Variants in RASA3 observed in about 807,000 individuals in gnomAD.
The protein encoded by RASA3 is ras GTPase-activating protein 3.
RASA3 carries 73 observed loss-of-function variants against 110.0 expected under a neutral mutation model. The ratio of observed to expected loss-of-function variants is 0.66; its 90% CI spans 0.55 to 0.81. The LOEUF is 0.81. Among genes scored for constraint, RASA3 ranks in the 30% least tolerant of loss-of-function variants. The pLI is 0.00. For synonymous variants in RASA3, 500 were observed against 451.4 expected (o/e 1.11, Z -1.37); for missense variants, 976 against 1,113.2 (o/e 0.88, Z 1.75).
At chr13:114,045,852 C>G (rs2079044171) in intron 3 of RASA3, among the ~76,000 whole-genome samples, 1 of 152,108 alleles carries the variant, frequency 6.6e-6, no homozygotes, top group African/African-American at 2.4e-5. Flanking sequence ...ACATAAAACA[C>G]AGGGAAATAA....
chr13:114,078,823 T>C (rs2139687451), intron 1 of RASA3, among the ~76,000 whole-genome samples: 1 of 152,286 alleles, frequency 6.6e-6, no homozygotes, highest in Non-Finnish European at 1.5e-5. Flanking sequence ...ATGCCCAGGC[T>C]TCCCTGGAGG....
intron 18 of RASA3, among the ~76,000 whole-genome samples, chr13:114,001,961 T>G (rs1373472014): frequency 6.6e-5 from 10 of 152,236 alleles, no homozygotes; most frequent in Admixed American, 5.2e-4. Context: ...CCACCGAGGA[T>G]GCAAGGCCTC....
intron 2 of RASA3, among the ~76,000 whole-genome samples, chr13:114,054,968 G>A (rs937267924): frequency 2.2e-5 from 3 of 138,230 alleles, no homozygotes; most frequent in Non-Finnish European, 4.9e-5. Flanking sequence ...GTGTGTGCAC[G>A]TGTGTGCCCA....
At chr13:113,995,086 G>T (rs1053694973) in intron 21 of RASA3, among the ~76,000 whole-genome samples, 1 of 152,216 alleles carries the variant, frequency 6.6e-6, no homozygotes, top group Non-Finnish European at 1.5e-5. Flanking sequence ...GGAGCCTCTT[G>T]GGACCCACAG....
intron 19 of RASA3, among the ~76,000 whole-genome samples, chr13:114,000,028 C>T (rs1317856198): frequency 4.6e-5 from 3 of 64,578 alleles, no homozygotes; most frequent in African/African-American, 2.2e-4. Flanking sequence ...AGGGTCTCTG[C>T]TAGAGGGTCT....
rs193226402 is a variant in RASA3, at chr13:114,071,830, T to C, written c.173+1890A>G. ...GGGCAGGAGACCCCTCACAGTTTTCTAGTAAGTAAACTCACCCAGTCATCA... is the reference window on the plus strand; with the variant it reads ...GGGCAGGAGACCCCTCACAGTTTTCCAGTAAGTAAACTCACCCAGTCATCA... On this transcript the variant is annotated intron_variant, in intron 2 of 23. Coordinates refer to ENST00000334062, the MANE Select transcript of RASA3 (RefSeq NM_007368.4). 1.8e-3 allele frequency among the ~76,000 whole-genome samples: 281 copies of C among 152,336 alleles called. 1 individual carries two copies. The highest frequency in any genetic ancestry group is 6.8e-3 in the Middle Eastern group (2 of 294).
chr13:114,000,420 T>C (rs2053367457), intron 19 of RASA3, among the ~76,000 whole-genome samples: 1 of 152,120 alleles, frequency 6.6e-6, no homozygotes, highest in East Asian at 1.9e-4. Flanking sequence ...GAGAAACTGC[T>C]AGATATTTCC....
Position 114,016,282 on chromosome 13 carries a change from G to A in RASA3, c.1207-11C>T, listed in dbSNP as rs569987964. On this transcript the variant is annotated splice_polypyrimidine_tract_variant and intron_variant, in intron 12 of 23. Transcript: ENST00000334062. ...GTGGCTCTGGCATATCTGGGGAGAG[G>A]TTTAAGACAGGGCTCTGTGAGTGGG... is the stretch of plus-strand genomic sequence containing the variant. 3.2e-6 allele frequency: 5 copies of A among 1,564,098 alleles called. No individual in the cohort carries two copies. Among genetic ancestry groups the A allele is most frequent in the East Asian group, 4.5e-5 (2 of 44,552 alleles).
chr13:114,083,555 C>G (rs1045311161), intron 1 of RASA3, among the ~76,000 whole-genome samples: 2 of 139,524 alleles, frequency 1.4e-5, no homozygotes, highest in Non-Finnish European at 3.2e-5. Flanking sequence ...GGGGAAATCA[C>G]GGGGAAGTGG....
intron 2 of RASA3, among the ~76,000 whole-genome samples, chr13:114,061,359 C>A (rs2079344868): frequency 6.6e-6 from 1 of 152,098 alleles, no homozygotes; most frequent in Non-Finnish European, 1.5e-5. Context: ...TTTCTAAAAA[C>A]CCCAGGCGCC....
chr13:114,080,666 G>GCTGAAACAGGGGTCTCCCCCAGGGGCCA (rs11267466), intron 1 of RASA3, among the ~76,000 whole-genome samples: 49,249 of 134,590 alleles, frequency 0.37, 10,738 homozygotes, highest in Middle Eastern at 0.45. Context: ...CCCGACAACG[G>GCTGAAACAGGGGTCTCCCCCAGGGGCCA]CTGAAACAGG....
Position 114,013,173 on chromosome 13 carries a change from G to C in RASA3, c.1481C>G (p.Pro494Arg). The change falls in exon 15 of 24, where the codon CCC becomes CGC. Residue 494 changes from proline (P) to arginine (R), a missense_variant. By Grantham distance (103) the Pro-to-Arg change is moderately radical (BLOSUM62 -2). Coordinates refer to ENST00000334062, the MANE Select transcript of RASA3 (RefSeq NM_007368.4). ...GTGCGGCGTGAGCTGGAAGAGGTTG[G>C]GGGAGAGAATGGCGGGCGCAAAGAA... Reference protein sequence around the residue: ...LRFFAPAILSPNLFQLTPHHT... With the variant: ...LRFFAPAILSRNLFQLTPHHT... 1 of 1,613,582 alleles carries C rather than the reference G, an allele frequency of 6.2e-7. No homozygotes were observed. Among genetic ancestry groups the C allele is most frequent in the Non-Finnish European group, 8.5e-7 (1 of 1,179,790 alleles).
intron 22 of RASA3, among the ~76,000 whole-genome samples, chr13:113,990,508 T>A (rs974167866): frequency 6.6e-6 from 1 of 152,224 alleles, no homozygotes; most frequent in African/African-American, 2.4e-5. Context: ...TCCCTGACTC[T>A]GGCCTCTGCT....
chr13:114,132,522 A>T lies in RASA3; in HGVS notation c.-33T>A. On this transcript the variant is annotated 5_prime_UTR_variant, in exon 1 of 24. Coordinates refer to ENST00000334062, the MANE Select transcript of RASA3 (RefSeq NM_007368.4). ...GTCCGCGCCCGCCGAGCCTCGCCCC[A>T]AGCGCGCGCCGAGCCCGGGCAGCTC... 2 of 1,460,620 alleles carry T rather than the reference A, an allele frequency of 1.4e-6. No homozygotes were observed. The highest frequency in any genetic ancestry group is 3.0e-5 in the East Asian group (1 of 33,672). 90.5% of individuals were successfully genotyped at this position (1,460,620 alleles called of 1,614,324 possible).
At chr13:114,059,085 G>A (rs7329801) in intron 2 of RASA3, among the ~76,000 whole-genome samples, 34,042 of 152,146 alleles carry the variant, frequency 0.22, 3,871 homozygotes, top group South Asian at 0.33. Context: ...GCAGCGAAGC[G>A]GAGGATTGCT....
chr13:114,005,575 C>T (rs936202150), intron 18 of RASA3, among the ~76,000 whole-genome samples: 3 of 152,142 alleles, frequency 2.0e-5, no homozygotes, highest in East Asian at 3.9e-4. Flanking sequence ...AAAGAGCCCT[C>T]GGGAGCCTGG....
At chr13:114,117,961 A>T (rs991579254) in intron 1 of RASA3, among the ~76,000 whole-genome samples, 4 of 151,944 alleles carry the variant, frequency 2.6e-5, no homozygotes, top group Admixed American at 6.5e-5. Context: ...TGAGGGGTGC[A>T]TGCACACGCA....
At chr13:114,128,209 C>T (rs927912467) in intron 1 of RASA3, among the ~76,000 whole-genome samples, 2 of 152,250 alleles carry the variant, frequency 1.3e-5, no homozygotes, top group Admixed American at 6.5e-5. Flanking sequence ...CTTACACTGT[C>T]AGACAGACAC....
intron 2 of RASA3, among the ~76,000 whole-genome samples, chr13:114,067,885 T>C (rs1013620241): frequency 6.6e-6 from 1 of 152,236 alleles, no homozygotes; most frequent in Non-Finnish European, 1.5e-5. Context: ...TAACTTCTAA[T>C]TGTACATAAA....
Sources: allele counts gnomAD v4.1 joint callset (sites outside exome capture counted in the v4.1 genomes callset), GRCh38; gene constraint gnomAD v4.1.1; transcripts MANE v1.5; gene names NCBI Gene and HGNC (gene_info 2026-07-23, HGNC 2026-07-21).